The following TENM2 variants were observed in gnomAD, a reference collection of about 807,000 sequenced individuals.
The protein encoded by TENM2 is teneurin-2.
TENM2 carries 52 observed loss-of-function variants against 245.2 expected under a neutral mutation model. The ratio of observed to expected loss-of-function variants is 0.21; its 90% CI spans 0.17 to 0.27. The LOEUF is 0.27. TENM2 is among the 10% of genes least tolerant of loss of function. TENM2 has a pLI of 1.00. For missense variants in TENM2, 3,046 were observed against 3,666.8 expected (o/e 0.83, Z 4.37); for synonymous variants, 1,363 against 1,438.9 (o/e 0.95, Z 1.19).
At chr5:167,243,526 T>C in the TENM2 span, among the ~76,000 whole-genome samples, 2 of 152,054 alleles carry the variant, frequency 1.3e-5, no homozygotes, top group Admixed American at 1.3e-4. Flanking sequence ...TTGTAGTGAG[T>C]TGGTGGGCTG....
intron 1 of TENM2, among the ~76,000 whole-genome samples, chr5:167,288,278 A>C (rs749407612): frequency 3.4e-4 from 52 of 152,294 alleles, no homozygotes; most frequent in South Asian, 8.3e-4. Flanking sequence ...AATGGCGAAC[A>C]GGCGGGCGCG....
intron 1 of TENM2, among the ~76,000 whole-genome samples, chr5:167,360,382 G>C (rs969143840): frequency 2.0e-5 from 3 of 152,078 alleles, no homozygotes; most frequent in Admixed American, 6.5e-5. Context: ...CATTTAGTAA[G>C]CACCAATAAT....
At chr5:168,006,558 C>T (rs538453719) in intron 5 of TENM2, among the ~76,000 whole-genome samples, 5 of 152,184 alleles carry the variant, frequency 3.3e-5, no homozygotes, top group African/African-American at 9.6e-5. Flanking sequence ...AACTGGGGCC[C>T]GCTGCCTAGA....
At chr5:167,157,579 G>A in the TENM2 span, among the ~76,000 whole-genome samples, 7 of 152,094 alleles carry the variant, frequency 4.6e-5, no homozygotes, top group African/African-American at 1.4e-4. Flanking sequence ...AGATGTCTGG[G>A]AAAAACACAG....
At chr5:167,025,351 T>G in the TENM2 span, among the ~76,000 whole-genome samples, 1 of 152,140 alleles carries the variant, frequency 6.6e-6, no homozygotes, top group Non-Finnish European at 1.5e-5. Flanking sequence ...TCACAACTAT[T>G]TGATATACAT....
At chr5:168,190,688 C>CA in intron 14 of TENM2, 141 bp downstream of exon 16, 1 of 652,246 alleles carries the variant, frequency 1.5e-6, no homozygotes, top group Non-Finnish European at 2.7e-6. Flanking sequence ...AAGGGGGACT[C>CA]AGAGAAGTGC....
chr5:167,077,388 T>G, the TENM2 span, among the ~76,000 whole-genome samples: 1 of 152,194 alleles, frequency 6.6e-6, no homozygotes, highest in African/African-American at 2.4e-5. Flanking sequence ...AAAGTCTTCT[T>G]TAATCCTGAA....
intron 2 of TENM2, among the ~76,000 whole-genome samples, chr5:167,467,530 A>C (rs1016223345): frequency 1.3e-5 from 2 of 150,340 alleles, no homozygotes; most frequent in Non-Finnish European, 3.0e-5. Flanking sequence ...AAAAAAAAAA[A>C]ACAGTAACCT....
chr5:167,257,679 A>G, the TENM2 span, among the ~76,000 whole-genome samples: 1 of 152,126 alleles, frequency 6.6e-6, no homozygotes, highest in Non-Finnish European at 1.5e-5. Flanking sequence ...TGCAAAGTGA[A>G]TAAAAAATGG....
At chr5:167,648,254 G>T (rs1341918759) in intron 2 of TENM2, among the ~76,000 whole-genome samples, 1 of 152,144 alleles carries the variant, frequency 6.6e-6, no homozygotes, top group African/African-American at 2.4e-5. Context: ...ATACACATGG[G>T]TGTTTATCAT....
intron 2 of TENM2, among the ~76,000 whole-genome samples, chr5:167,846,683 C>T (rs1248994319): frequency 1.3e-5 from 2 of 152,040 alleles, no homozygotes; most frequent in Admixed American, 6.6e-5. Flanking sequence ...ATTAATACCC[C>T]CAAATATGTA....
chr5:167,158,624 T>G, the TENM2 span, among the ~76,000 whole-genome samples: 1 of 152,170 alleles, frequency 6.6e-6, no homozygotes, highest in South Asian at 2.1e-4. Flanking sequence ...AAAGGCCATC[T>G]TCTCCTTATA....
chr5:167,464,095 T>A (rs2127497558), intron 2 of TENM2, among the ~76,000 whole-genome samples: 1 of 152,304 alleles, frequency 6.6e-6, no homozygotes, highest in African/African-American at 2.4e-5. Context: ...GGGGACTTAA[T>A]GACAATTTCT....
chr5:168,126,626 C>T (rs1224541323), intron 11 of TENM2, 128 bp from the exon 14 acceptor site: 9 of 678,836 alleles, frequency 1.3e-5, no homozygotes, highest in Admixed American at 3.0e-5. Flanking sequence ...AGAGACAAGC[C>T]TCCAAAGATG....
the TENM2 span, among the ~76,000 whole-genome samples, chr5:167,132,475 C>CA: frequency 6.6e-6 from 1 of 152,046 alleles, no homozygotes; most frequent in African/African-American, 2.4e-5. Flanking sequence ...TTAAATTTGC[C>CA]AAGCAGATTT....
At chr5:167,861,236 G>A (rs750651457) in intron 2 of TENM2, among the ~76,000 whole-genome samples, 3 of 152,132 alleles carry the variant, frequency 2.0e-5, no homozygotes, top group South Asian at 4.2e-4. Flanking sequence ...CCTCAAGAAG[G>A]TGGGCAAAGG....
chr5:167,554,396 G>A (rs1003035423), intron 2 of TENM2, among the ~76,000 whole-genome samples: 34 of 152,278 alleles, frequency 2.2e-4, no homozygotes, highest in African/African-American at 7.5e-4. Flanking sequence ...CACTTGTTCT[G>A]ATCAGATGCT....
chr5:168,183,615 C>T (rs1760122608), intron 13 of TENM2, among the ~76,000 whole-genome samples: 1 of 152,156 alleles, frequency 6.6e-6, no homozygotes, highest in Non-Finnish European at 1.5e-5. Context: ...TCACGAACAA[C>T]CAGATTTCAT....
chr5:168,092,845 G>A (rs1581273306), intron 8 of TENM2, among the ~76,000 whole-genome samples: 1 of 152,202 alleles, frequency 6.6e-6, no homozygotes, highest in Non-Finnish European at 1.5e-5. Flanking sequence ...CAAGAATTCA[G>A]AGAAGTGGTT....
Sources: allele counts gnomAD v4.1 joint callset (sites outside exome capture counted in the v4.1 genomes callset), GRCh38; gene constraint gnomAD v4.1.1; transcripts MANE v1.5; gene names NCBI Gene and HGNC (gene_info 2026-07-23, HGNC 2026-07-21).